Variants in ADGRL3 observed in about 807,000 individuals in gnomAD.
ADGRL3 encodes the protein calcium-independent alpha-latrotoxin receptor 3.
ADGRL3 carries 62 observed loss-of-function variants against 153.5 expected under a neutral mutation model. The ratio of observed to expected loss-of-function variants is 0.40; its 90% CI spans 0.33 to 0.50. The LOEUF (loss-of-function observed/expected upper bound fraction) is 0.50, where lower values mean the gene tolerates loss of function less well. Ranked by LOEUF, ADGRL3 falls within the 20% of genes least tolerant of loss-of-function variation. The probability of loss-of-function intolerance (pLI) is 0.47; values close to 1 mark genes in which losing one functional copy is unlikely to be tolerated. For missense variants in ADGRL3, 1,641 were observed against 1,859.4 expected, an observed-to-expected ratio of 0.88 and a Z score of 2.16; for synonymous variants, 710 against 672.5, an observed-to-expected ratio of 1.06 and a Z score of -0.86.
intron 1 of ADGRL3, among the ~76,000 whole-genome samples, chr4:61,249,475 T>C (rs1159293728): frequency 6.6e-6 from 1 of 152,166 alleles, no homozygotes; most frequent in East Asian, 1.9e-4. Flanking sequence ...GCGTTCATTC[T>C]CTGGATCACC....
chr4:61,425,560 G>A (rs1056903374), intron 2 of ADGRL3: 5 of 152,302 alleles, frequency 3.3e-5, no homozygotes, highest in African/African-American at 7.2e-5. Flanking sequence ...GATGAATCAT[G>A]CCCTTCAGGC....
intron 1 of ADGRL3, among the ~76,000 whole-genome samples, chr4:61,338,354 G>T (rs924496571): frequency 6.6e-6 from 1 of 151,526 alleles, no homozygotes; most frequent in Non-Finnish European, 1.5e-5. Context: ...GTTTTCAGGT[G>T]GTTCTCAAAA....
At position 61,676,848 on chromosome 4, in the gene ADGRL3, G is replaced by A; in HGVS notation, c.496G>A (p.Ala166Thr). ...CAGATGCAATAACAGAACCCAGTGT[G>A]CAGTGGTGGCAGGTCCTGATGTTTT... ...SQRCNNRTQC[A>T]VVAGPDVFPD... is the part of the protein sequence containing the mutation. The change falls in exon 6 of 27, where the codon GCA (alanine) becomes ACA (threonine). Residue 166 changes from alanine to threonine, a missense_variant. Around this residue, in one of 5 missense-constraint regions of ADGRL3, gnomAD observed 213 missense variants for 362.1 expected, o/e 0.59. Coordinates refer to ENST00000683033, the MANE Select transcript of ADGRL3 (RefSeq NM_001387552.1). The A allele has an allele frequency of 1.2e-6, 2 of 1,611,850 alleles. No homozygotes were observed. The highest frequency in any genetic ancestry group is 1.7e-6 in the Non-Finnish European group (2 of 1,178,384).
intron 9 of ADGRL3, among the ~76,000 whole-genome samples, chr4:61,877,916 C>A (rs147196917): frequency 6.6e-6 from 1 of 152,086 alleles, no homozygotes; most frequent in East Asian, 1.9e-4. Context: ...TCTCATGAGA[C>A]CTGATGATGA....
At chr4:61,931,315 A>G in intron 13 of ADGRL3, among the ~76,000 whole-genome samples, 1 of 152,190 alleles carries the variant, frequency 6.6e-6, no homozygotes, top group East Asian at 1.9e-4. Context: ...CAGTGTGGCT[A>G]TTTAGCAATT....
In ADGRL3 at chr4:62,076,635, A is replaced by G. The variant is rs975581900; in HGVS notation, c.*5727A>G. On this transcript the variant is annotated 3_prime_UTR_variant, in exon 27 of 27. Coordinates refer to ENST00000683033, the MANE Select transcript of ADGRL3 (RefSeq NM_001387552.1). ...CCGAAAAGTAAAATGGGAGTTTCCT[A>G]TATTCTGATTTCATTCTGCTAATTC... The G allele has an allele frequency of 1.3e-5, 2 of 152,078 alleles. No homozygotes were observed. The highest frequency in any genetic ancestry group is 2.4e-5 in the African/African-American group (1 of 41,452). 9.4% of individuals were successfully genotyped at this position (152,078 alleles called of 1,614,324 possible).
At chr4:61,343,292 T>C (rs1351944031) in intron 1 of ADGRL3, among the ~76,000 whole-genome samples, 1 of 152,226 alleles carries the variant, frequency 6.6e-6, no homozygotes, top group African/African-American at 2.4e-5. Context: ...ACTCCTATTC[T>C]TCCAACTCGC....
At chr4:61,898,058 A>C (rs1043942159) in intron 11 of ADGRL3, among the ~76,000 whole-genome samples, 1 of 152,082 alleles carries the variant, frequency 6.6e-6, no homozygotes, top group Non-Finnish European at 1.5e-5. Flanking sequence ...CAGGAGAATG[A>C]ATACCCTGAC....
At chr4:61,438,909 A>G (rs1184511628) in intron 2 of ADGRL3, among the ~76,000 whole-genome samples, 2 of 151,652 alleles carry the variant, frequency 1.3e-5, no homozygotes, top group Non-Finnish European at 2.9e-5. Context: ...GGGTTTCACC[A>G]TTTTAGCCAG....
At chr4:61,903,353 T>G (rs1415085451) in intron 11 of ADGRL3, among the ~76,000 whole-genome samples, 1 of 152,166 alleles carries the variant, frequency 6.6e-6, no homozygotes, top group Non-Finnish European at 1.5e-5. Flanking sequence ...CGTCATACAC[T>G]TTCCTGTCAC....
chr4:61,814,644 T>C (rs947818971), intron 9 of ADGRL3, among the ~76,000 whole-genome samples: 10 of 152,190 alleles, frequency 6.6e-5, no homozygotes, highest in African/African-American at 2.4e-4. Flanking sequence ...CAGTATTAAT[T>C]ACTTAATAAA....
intron 1 of ADGRL3, among the ~76,000 whole-genome samples, chr4:61,381,856 G>C (rs563057822): frequency 6.6e-6 from 1 of 152,012 alleles, no homozygotes; most frequent in East Asian, 1.9e-4. Context: ...GCAGTCAAGT[G>C]TGGCATTCAA....
chr4:61,608,205 G>A (rs2099040077), intron 5 of ADGRL3, among the ~76,000 whole-genome samples: 1 of 152,190 alleles, frequency 6.6e-6, no homozygotes, highest in African/African-American at 2.4e-5. Context: ...TGCACACACA[G>A]CTTTGACTTT....
intron 17 of ADGRL3, among the ~76,000 whole-genome samples, chr4:61,973,905 A>G (rs186822539): frequency 3.9e-5 from 6 of 152,244 alleles, no homozygotes; most frequent in South Asian, 2.1e-4. Flanking sequence ...ATCAAGATGC[A>G]ATTCAGATTC....
chr4:61,374,560 C>T (rs1167259733), intron 1 of ADGRL3, among the ~76,000 whole-genome samples: 2 of 152,016 alleles, frequency 1.3e-5, no homozygotes, highest in Non-Finnish European at 2.9e-5. Context: ...AGATTTTCTG[C>T]TTGAAATCTT....
intron 9 of ADGRL3, among the ~76,000 whole-genome samples, chr4:61,849,127 C>T (rs1285477218): frequency 6.6e-6 from 1 of 152,156 alleles, no homozygotes; most frequent in Non-Finnish European, 1.5e-5. Flanking sequence ...AATAATTGTT[C>T]CTCTAAAATG....
chr4:61,209,440 C>T, intron 1 of ADGRL3, among the ~76,000 whole-genome samples: 1 of 152,074 alleles, frequency 6.6e-6, no homozygotes, highest in East Asian at 1.9e-4. Context: ...TGTTATTAGT[C>T]ATAGTATTAT....
intron 5 of ADGRL3, among the ~76,000 whole-genome samples, chr4:61,631,041 A>T (rs2093134550): frequency 6.6e-6 from 1 of 152,192 alleles, no homozygotes; most frequent in African/African-American, 2.4e-5. Context: ...TAATTCTATT[A>T]TATTCCCATC....
Position 61,929,144 on chromosome 4 carries a change from C to T in ADGRL3, c.2113-5696C>T, listed in dbSNP as rs867738781. 5.3e-5 allele frequency among the ~76,000 whole-genome samples: 8 copies of T among 152,206 alleles called. No individual in the cohort carries two copies. The South Asian group carries it at 1.0e-3, about 20-fold the overall frequency. ...GGTATAGTGGTGTTGGGAGGTGGGG[C>T]TTCTGGTGGGGTGATTAGGCCAAGA... is the stretch of plus-strand genomic sequence containing the variant. On this transcript the variant is annotated intron_variant, in intron 13 of 26. Transcript: ENST00000683033.
Sources: gnomAD v4.1 joint callset for allele counts (sites outside exome capture counted in the v4.1 genomes callset) on GRCh38, gnomAD v4.1.1 for gene constraint, gnomAD v4.1.1 regional missense constraint, MANE v1.5 for transcripts, NCBI Gene and HGNC (gene_info 2026-07-23, HGNC 2026-07-21) for gene names.